The following FOXP4 variants were observed in gnomAD, a reference collection of about 807,000 sequenced individuals.
The protein encoded by FOXP4 is forkhead box P4.
Under a neutral mutation model 82.6 loss-of-function variants are expected in FOXP4, and 25 were observed. The observed-to-expected ratio is 0.30, with a 90% CI of 0.22 to 0.42. The LOEUF is 0.42. Among genes scored for constraint, FOXP4 ranks in the 10% least tolerant of loss-of-function variants. The pLI is 1.00. For synonymous variants in FOXP4, 415 were observed against 388.2 expected, an observed-to-expected ratio of 1.07 and a Z score of -0.81; for missense variants, 785 against 900.9, an observed-to-expected ratio of 0.87 and a Z score of 1.65.
At chr6:41,597,703 C>T (rs944451477) in intron 15 of FOXP4, 78 bp from the exon 16 acceptor site, 39 of 1,505,230 alleles carry the variant, frequency 2.6e-5, no homozygotes, top group Admixed American at 9.9e-5. Flanking sequence ...CTCTAGTGGG[C>T]GGGGAAGGCA....
intron 4 of FOXP4, 94 bp from the exon 5 acceptor site, chr6:41,585,337 C>T (rs1766044611): frequency 3.1e-6 from 4 of 1,289,842 alleles, no homozygotes; most frequent in Non-Finnish European, 4.3e-6. Flanking sequence ...TAGGGAAACT[C>T]CCTTCTCCTG....
In FOXP4 at chr6:41,591,398, C is replaced by G; in HGVS notation, c.1536+76C>G. On this transcript the variant is annotated intron_variant, in intron 13 of 16. Transcript: ENST00000307972. This position sits in a 1 kb window ranked among gnomAD's most constrained non-coding sequence, Gnocchi z 4.2. ...CATATCCCATGGAGACCAAGGCTGC[C>G]TAACAATTAGTTCCCTAAACCATTA... 7.8e-7 allele frequency: 1 copy of G among 1,277,222 alleles called. No homozygotes were observed. Among genetic ancestry groups the G allele is most frequent in the South Asian group, 1.3e-5 (1 of 78,594 alleles). The allele number at this position is 1,277,222 out of a possible 1,614,324, so 79.1% of individuals were successfully genotyped here.
intron 5 of FOXP4, among the ~76,000 whole-genome samples, 192 bp from the exon 6 acceptor site, chr6:41,586,805 CGTGCATGCGTGT>C (rs939998674): frequency 1.3e-5 from 2 of 152,154 alleles, no homozygotes; most frequent in African/African-American, 4.8e-5. Flanking sequence ...TGCGTGCGTG[CGTGCATGCGTGT>C]GTTTACTGCG....
chr6:41,597,826 A>G lies in FOXP4; in HGVS notation c.1771A>G (p.Met591Val), dbSNP rs752251306. The G allele has an allele frequency of 6.2e-7, 1 of 1,606,818 alleles. No individual in the cohort carries two copies. The highest frequency in any genetic ancestry group is 8.5e-7 in the Non-Finnish European group (1 of 1,179,058). ...SSFPLLNSPG[M>V]LNPGSASSLL... ...CTTCCCCCTCCTCAACAGCCCTGGC[A>G]TGCTGAACCCTGGCTCCGCCAGCAG... The change falls in exon 16 of 17, where the codon ATG becomes GTG. Residue 591 changes from methionine (M) to valine (V), a missense_variant. By Grantham distance (21) the Met-to-Val change is conservative. This residue lies in a region of FOXP4 where 184 missense variants were observed against 187.3 expected (regional missense o/e 0.98). Coordinates refer to ENST00000307972, the MANE Select transcript of FOXP4 (RefSeq NM_001012426.2).
At chr6:41,555,329 AG>A (rs559409566) in intron 1 of FOXP4, among the ~76,000 whole-genome samples, 110 of 152,296 alleles carry the variant, frequency 7.2e-4, no homozygotes, top group Non-Finnish European at 1.3e-3. Context: ...TTGTACCATA[AG>A]GCCTTGTGTC....
chr6:41,553,376 G>A (rs1028861729), intron 1 of FOXP4, among the ~76,000 whole-genome samples: 1 of 152,114 alleles, frequency 6.6e-6, no homozygotes, highest in East Asian at 1.9e-4. Flanking sequence ...CTTGTGTGCC[G>A]CCATCCCCCC....
intron 2 of FOXP4, among the ~76,000 whole-genome samples, chr6:41,566,249 C>A (rs1224850583): frequency 6.6e-6 from 1 of 152,206 alleles, no homozygotes; most frequent in Non-Finnish European, 1.5e-5. Context: ...GACAGACACA[C>A]AACTGGGCAG....
chr6:41,585,642 G>T, intron 5 of FOXP4, 125 bp downstream of exon 5: 2 of 851,796 alleles, frequency 2.3e-6, no homozygotes, highest in Non-Finnish European at 3.6e-6. Context: ...CTGAGGAAGG[G>T]GACCAAGGAT....
At chr6:41,580,282 G>T (rs1186262446) in intron 3 of FOXP4, among the ~76,000 whole-genome samples, 1 of 152,102 alleles carries the variant, frequency 6.6e-6, no homozygotes, top group Non-Finnish European at 1.5e-5. Context: ...CTCCATGTTG[G>T]TCAGGCTGGT....
At chr6:41,575,919 T>G (rs1765456079) in intron 2 of FOXP4, among the ~76,000 whole-genome samples, 1 of 151,972 alleles carries the variant, frequency 6.6e-6, no homozygotes, top group African/African-American at 2.4e-5. Context: ...CCCTCAACCC[T>G]ACTCTACCTC....
chr6:41,590,081 G>C lies in FOXP4; in HGVS notation c.1268G>C (p.Arg423Pro). The stretch of plus-strand genomic sequence containing the variant: ...GCCGCAGCCCCTGTCACCCCTCTAC[G>C]GCCCCCTGGCCTGGGCTCTGCCTCC... ...TSAAAPVTPL[R>P]PPGLGSASLH... Residue 423 changes from arginine (R) to proline (P), a missense_variant, in exon 11 of 17, where the codon CGG becomes CCG. Transcript: ENST00000307972. 3 of 1,613,764 alleles carry C rather than the reference G, an allele frequency of 1.9e-6. No homozygotes were observed. The highest frequency in any genetic ancestry group is 1.7e-6 in the Non-Finnish European group (2 of 1,179,924).
chr6:41,573,027 ACTTGCAGCT>A (rs1316897474), intron 2 of FOXP4, among the ~76,000 whole-genome samples: 7 of 152,134 alleles, frequency 4.6e-5, no homozygotes, highest in Non-Finnish European at 8.8e-5. Context: ...ACCCTCTAAC[ACTTGCAGCT>A]CTCCAGGGGT....
At chr6:41,567,897 C>G (rs1319137521) in intron 2 of FOXP4, among the ~76,000 whole-genome samples, 1 of 152,264 alleles carries the variant, frequency 6.6e-6, no homozygotes. Flanking sequence ...TGGAGGCAGG[C>G]AGAGGGCTGT....
intron 3 of FOXP4, among the ~76,000 whole-genome samples, chr6:41,581,550 G>C (rs745951275): frequency 7.2e-5 from 11 of 152,178 alleles, no homozygotes; most frequent in Admixed American, 3.3e-4. Context: ...GCTGCAGAGC[G>C]CCCATCCTGA....
chr6:41,564,509 C>T (rs1764765456), intron 1 of FOXP4, among the ~76,000 whole-genome samples: 2 of 152,208 alleles, frequency 1.3e-5, no homozygotes, highest in African/African-American at 4.8e-5. Flanking sequence ...GCCTCCACCT[C>T]CTCCTTACTG....
intron 5 of FOXP4, 37 bp from the exon 6 acceptor site, chr6:41,586,972 C>A (rs376456028): frequency 1.9e-6 from 3 of 1,543,820 alleles, no homozygotes; most frequent in Admixed American, 3.6e-5. Flanking sequence ...AAGCTGATGG[C>A]ACCCCTCTCT....
chr6:41,597,361 C>T (rs369059972), intron 15 of FOXP4, 119 bp downstream of exon 15: 1 of 1,058,206 alleles, frequency 9.4e-7, no homozygotes. Flanking sequence ...GGGTGAAGAC[C>T]CAAACTCTCC....
Position 41,599,024 on chromosome 6 carries a change from A to T in FOXP4, c.*88A>T. The stretch of plus-strand genomic sequence containing the variant: ...TCCCCCAACTCCACAGCCCCTCCCG[A>T]GCCTCAAGGCAAGTCCAGGACTCAG... On this transcript the variant is annotated 3_prime_UTR_variant, in exon 17 of 17. Coordinates refer to ENST00000307972, the MANE Select transcript of FOXP4 (RefSeq NM_001012426.2). 1.4e-6 allele frequency: 2 copies of T among 1,448,506 alleles called. No homozygotes were observed. Among genetic ancestry groups the T allele is most frequent in the Non-Finnish European group, 1.8e-6 (2 of 1,097,832 alleles). The allele number at this position is 1,448,506 out of a possible 1,614,324, so 89.7% of individuals were successfully genotyped here. A position where few individuals can be genotyped will look rare whatever the true frequency, so the allele number is the denominator to read the frequency against.
At chr6:41,560,893 G>A (rs1031595675) in intron 1 of FOXP4, among the ~76,000 whole-genome samples, 3 of 152,212 alleles carry the variant, frequency 2.0e-5, no homozygotes, top group South Asian at 2.1e-4. Flanking sequence ...TCCGCATGTG[G>A]GGTTCCCCTT....
Sources: allele counts gnomAD v4.1 joint callset (sites outside exome capture counted in the v4.1 genomes callset), GRCh38; gene constraint gnomAD v4.1.1; regional missense constraint gnomAD v4.1.1; non-coding constraint Gnocchi (gnomAD v3.1); transcripts MANE v1.5; gene names NCBI Gene and HGNC (gene_info 2026-07-23, HGNC 2026-07-21).